RTTN: variants seen among roughly 807,000 people sequenced by gnomAD.
The protein encoded by RTTN is rotatin.
Under a neutral mutation model 269.2 loss-of-function variants are expected in RTTN, and 182 were observed. The observed-to-expected ratio is 0.68, with a 90% CI of 0.60 to 0.76. RTTN has a LOEUF of 0.76. Ranked by LOEUF, RTTN falls within the 30% of genes least tolerant of loss-of-function variation. The pLI is 0.00. For missense variants in RTTN, 2,545 were observed against 2,608.6 expected (o/e 0.98, Z 0.53); for synonymous variants, 1,006 against 963.5 (o/e 1.04, Z -0.82).
intron 10 of RTTN, among the ~76,000 whole-genome samples, chr18:70,187,580 T>G (rs556755914): frequency 6.6e-6 from 1 of 152,318 alleles, no homozygotes; most frequent in Non-Finnish European, 1.5e-5. Flanking sequence ...GTATTTTGAC[T>G]GTATATCCTT....
intron 26 of RTTN, among the ~76,000 whole-genome samples, chr18:70,116,886 A>G (rs1455610468): frequency 6.8e-6 from 1 of 148,134 alleles, no homozygotes; most frequent in Admixed American, 6.9e-5. Flanking sequence ...GAAGAAAAAA[A>G]CTAACAGCCC....
intron 34 of RTTN, among the ~76,000 whole-genome samples, chr18:70,067,027 G>C (rs1432704231): frequency 6.6e-6 from 1 of 152,014 alleles, no homozygotes; most frequent in Non-Finnish European, 1.5e-5. Flanking sequence ...AAAAAATGTA[G>C]GCTAAGCACA....
chr18:70,191,413 A>G (rs2146099807), intron 8 of RTTN, among the ~76,000 whole-genome samples: 1 of 152,278 alleles, frequency 6.6e-6, no homozygotes, highest in Non-Finnish European at 1.5e-5. Context: ...CGTTTCCTAG[A>G]TTTTCTGAGT....
chr18:70,045,460 ATTTAC>A (rs2057466048), intron 40 of RTTN, among the ~76,000 whole-genome samples: 1 of 152,178 alleles, frequency 6.6e-6, no homozygotes, highest in Admixed American at 6.5e-5. Context: ...AAAGACTGTA[ATTTAC>A]TTTGCTTCAT....
chr18:70,122,341 G>T (rs905685163), intron 25 of RTTN, among the ~76,000 whole-genome samples: 1 of 151,294 alleles, frequency 6.6e-6, no homozygotes, highest in Admixed American at 6.6e-5. Context: ...TTTGGAAATC[G>T]TTTTTTTTAA....
chr18:70,118,916 A>T (rs1023928815), intron 26 of RTTN, among the ~76,000 whole-genome samples: 1 of 152,026 alleles, frequency 6.6e-6, no homozygotes, highest in African/African-American at 2.4e-5. Context: ...CAATAAATTA[A>T]GTAGAAAAGG....
rs764661364 is a variant in RTTN at position 70,150,761 on chromosome 18, T to A, written c.1930-28A>T. On this transcript the variant is annotated intron_variant, in intron 14 of 48. Coordinates refer to ENST00000640769, the MANE Select transcript of RTTN (RefSeq NM_173630.4). ...GTAAAATAATATTAAAAAGTATTTT[T>A]AAATTAGCAACACTGATTTTTCCAA... The A allele has an allele frequency of 2.3e-4, 352 of 1,508,844 alleles. 2 individuals carry two copies. Among genetic ancestry groups the A allele is most frequent in the Non-Finnish European group, 4.5e-5 (50 of 1,106,498 alleles). 93.5% of individuals were successfully genotyped at this position (1,508,844 alleles called of 1,614,324 possible).
chr18:70,019,919 G>C (rs1304712149), intron 45 of RTTN: 1 of 152,078 alleles, frequency 6.6e-6, no homozygotes, highest in East Asian at 1.9e-4. Flanking sequence ...ATTTATCTTG[G>C]CCTTCAAGTA....
chr18:70,042,985 T>C (rs2057389727), intron 40 of RTTN, among the ~76,000 whole-genome samples: 1 of 152,104 alleles, frequency 6.6e-6, no homozygotes, highest in Non-Finnish European at 1.5e-5. Context: ...AAGGAATTCC[T>C]GGAACCAGGT....
At position 70,199,508 on chromosome 18, in the gene RTTN, T is replaced by C. The variant is rs2061897159; in HGVS notation, c.488-4A>G. 3 of 1,593,636 alleles carry C rather than the reference T, an allele frequency of 1.9e-6. No homozygotes were observed. In the Admixed American group the frequency reaches 5.0e-5, roughly 27 times the overall value. ...AAGCACTTCACAGTCTGATTTACTGTCAGTGAAAGAGCAAATCTTATGGTA... is the reference window on the plus strand; with the variant it reads ...AAGCACTTCACAGTCTGATTTACTGCCAGTGAAAGAGCAAATCTTATGGTA... On this transcript the variant is annotated splice_polypyrimidine_tract_variant and splice_region_variant and intron_variant, in intron 4 of 48. Coordinates refer to ENST00000640769, the MANE Select transcript of RTTN (RefSeq NM_173630.4).
intron 14 of RTTN, among the ~76,000 whole-genome samples, chr18:70,154,575 A>C (rs978724105): frequency 6.6e-6 from 1 of 152,158 alleles, no homozygotes; most frequent in Non-Finnish European, 1.5e-5. Context: ...TTCTACCTCT[A>C]AAATCATAAA....
intron 28 of RTTN, among the ~76,000 whole-genome samples, chr18:70,095,843 C>A (rs189693187): frequency 2.0e-5 from 3 of 152,080 alleles, no homozygotes; most frequent in African/African-American, 7.2e-5. Flanking sequence ...GCTGGCCTGT[C>A]TTGATAGGTT....
At chr18:70,116,344 G>A (rs1030504623) in intron 26 of RTTN, among the ~76,000 whole-genome samples, 1 of 151,982 alleles carries the variant, frequency 6.6e-6, no homozygotes, top group Non-Finnish European at 1.5e-5. Flanking sequence ...AACAGTATGT[G>A]TATACCTAAA....
chr18:70,084,540 A>G (rs2058653089), intron 32 of RTTN, among the ~76,000 whole-genome samples: 1 of 151,972 alleles, frequency 6.6e-6, no homozygotes, highest in Admixed American at 6.6e-5. Context: ...GACCCCACTA[A>G]ACTTTCTTAA....
At chr18:70,062,049 T>C (rs1014479517) in intron 35 of RTTN, among the ~76,000 whole-genome samples, 2 of 152,186 alleles carry the variant, frequency 1.3e-5, no homozygotes, top group African/African-American at 4.8e-5. Context: ...CTAATAATAC[T>C]GCAAAAAATA....
chr18:70,071,680 A>G (rs2058299753), intron 34 of RTTN, among the ~76,000 whole-genome samples: 1 of 152,214 alleles, frequency 6.6e-6, no homozygotes, highest in African/African-American at 2.4e-5. Flanking sequence ...TTTATCAAAC[A>G]TACAGGACCC....
intron 15 of RTTN, 161 bp from the exon 16 acceptor site, chr18:70,150,248 G>C (rs1267336022): frequency 1.8e-5 from 11 of 597,064 alleles, no homozygotes; most frequent in Non-Finnish European, 3.0e-5. Flanking sequence ...ATTCTGTTCT[G>C]TTTTTCTTCC....
chr18:70,115,511 G>A (rs2059581780), intron 26 of RTTN, among the ~76,000 whole-genome samples: 1 of 81,414 alleles, frequency 1.2e-5, no homozygotes, highest in African/African-American at 2.9e-5. Context: ...GATGCCTCAG[G>A]CACTGTGCTA....
chr18:70,188,076 C>A, intron 10 of RTTN, 32 bp downstream of exon 10: 1 of 1,243,236 alleles, frequency 8.0e-7, no homozygotes, highest in Non-Finnish European at 1.2e-6. Context: ...AAATACTATT[C>A]CCTATATCCC....
Sources: gnomAD v4.1 joint callset for allele counts (sites outside exome capture counted in the v4.1 genomes callset) on GRCh38, gnomAD v4.1.1 for gene constraint, MANE v1.5 for transcripts, NCBI Gene and HGNC (gene_info 2026-07-23, HGNC 2026-07-21) for gene names.